Variants in ATP1A4 observed in about 807,000 individuals in gnomAD.
ATP1A4 encodes ATPase Na+/K+ transporting subunit alpha 4, also known as sodium/potassium-transporting ATPase subunit alpha-4.
Under a neutral mutation model 114.3 loss-of-function variants are expected in ATP1A4, and 90 were observed. The observed-to-expected ratio is 0.79, with a 90% CI of 0.66 to 0.94. The LOEUF (loss-of-function observed/expected upper bound fraction) is 0.94, where lower values mean the gene tolerates loss of function less well. Ranked by LOEUF, ATP1A4 falls within the 40% of genes least tolerant of loss-of-function variation. ATP1A4 has a pLI of 0.00. For synonymous variants in ATP1A4, 511 were observed against 494.1 expected, an observed-to-expected ratio of 1.03 and a Z score of -0.45; for missense variants, 1,222 against 1,313.6, an observed-to-expected ratio of 0.93 and a Z score of 1.08.
intron 4 of ATP1A4, among the ~76,000 whole-genome samples, chr1:160,158,761 G>A (rs1447347612): frequency 6.6e-6 from 1 of 152,152 alleles, no homozygotes; most frequent in Non-Finnish European, 1.5e-5. Flanking sequence ...CCAGGTTTAG[G>A]GGTAGAGAGA....
intron 20 of ATP1A4, 113 bp from the exon 21 acceptor site, chr1:160,186,163 A>G (rs941403254): frequency 4.1e-5 from 27 of 661,482 alleles, no homozygotes; most frequent in African/African-American, 1.1e-4. Context: ...GCACAGTCCC[A>G]CGCACACAGT....
chr1:160,171,948 A>G (rs908441324), intron 12 of ATP1A4, among the ~76,000 whole-genome samples, 191 bp downstream of exon 12: 7 of 152,184 alleles, frequency 4.6e-5, no homozygotes, highest in African/African-American at 7.2e-5. Context: ...GAACATTAGA[A>G]TCACCAGGGA....
chr1:160,155,158 C>T lies in ATP1A4; in HGVS notation c.321C>T (p.Gly107=), dbSNP rs998283373. Residue 107 remains glycine (G), a synonymous_variant, in exon 3 of 22, where the codon GGC becomes GGT. Transcript: ENST00000368081. The part of the protein sequence containing the change: ...WVKFCKQLFG[G]FSLLLWTGAI... Reference sequence around the variant, plus strand: ...AATTCTGTAAGCAACTGTTCGGAGGCTTCTCCCTCCTACTATGGACTGGGG... The same window carrying T: ...AATTCTGTAAGCAACTGTTCGGAGGTTTCTCCCTCCTACTATGGACTGGGG... 5.0e-6 allele frequency: 8 copies of T among 1,613,078 alleles called. No homozygotes were observed. The highest frequency in any genetic ancestry group is 1.3e-5 in the African/African-American group (1 of 74,616).
Position 160,164,357 on chromosome 1 carries a change from A to G in ATP1A4, c.980A>G (p.Glu327Gly). Residue 327 changes from glutamate (E) to glycine (G), a missense_variant, in exon 7 of 22, where the codon GAG (glutamate) becomes GGG (glycine). Glu to Gly is a moderately conservative substitution (Grantham distance 98). Transcript: ENST00000368081. ...LSLLLGYGWL[E>G]AIIFLIGIIV... The stretch of plus-strand genomic sequence containing the variant: ...CTTCTCTTGGGCTATGGTTGGCTGG[A>G]GGCTATCATTTTTCTCATTGGCATC... The G allele has an allele frequency of 6.2e-7, 1 of 1,614,044 alleles. No homozygotes were observed. The highest frequency in any genetic ancestry group is 1.1e-5 in the South Asian group (1 of 91,074).
chr1:160,158,299 A>G (rs548781916), intron 4 of ATP1A4, among the ~76,000 whole-genome samples: 36 of 152,268 alleles, frequency 2.4e-4, no homozygotes, highest in African/African-American at 7.2e-4. Flanking sequence ...CTCTTTTTAC[A>G]GAGAGGTTAG....
Position 160,164,143 on chromosome 1 carries a change from G to T in ATP1A4, c.779-13G>T, listed in dbSNP as rs1200917829. ...TCACAACATCACATTGCCCTCTCCT[G>T]CTTCATCCACAGGAACCGCCCGGGG... On this transcript the variant is annotated splice_polypyrimidine_tract_variant and intron_variant, in intron 6 of 21. Transcript: ENST00000368081. The T allele has an allele frequency of 1.2e-6, 2 of 1,612,832 alleles. No homozygotes were observed. Among genetic ancestry groups the T allele is most frequent in the South Asian group, 2.2e-5 (2 of 90,998 alleles).
rs752976072 is a variant in ATP1A4 at position 160,174,241 on chromosome 1, G to T, written c.2122G>T (p.Val708Phe). ...CTCCCCTCAGCAGAAGCTCATCATT[G>T]TCGAGGGATGTCAGAGGCTGGTAAG... is the stretch of plus-strand genomic sequence containing the variant. ...RTSPQQKLII[V>F]EGCQRLGAVV... is the part of the protein sequence containing the mutation. The change falls in exon 14 of 22, where the codon GTC becomes TTC. Residue 708 changes from valine (V) to phenylalanine (F), a missense_variant. Physicochemically the swap from Val to Phe is conservative, Grantham distance 50. Transcript: ENST00000368081. 6.2e-7 allele frequency: 1 copy of T among 1,614,114 alleles called. No homozygotes were observed. The highest frequency in any genetic ancestry group is 1.1e-5 in the South Asian group (1 of 91,070).
Position 160,174,189 on chromosome 1 carries a change from C to T in ATP1A4, c.2070C>T (p.Asn690=). ...AGCAGCTTGATCAGATCCTCCAGAACCACCCTGAGATCGTGTTTGCTCGGA... is the reference window on the plus strand; with the variant it reads ...AGCAGCTTGATCAGATCCTCCAGAATCACCCTGAGATCGTGTTTGCTCGGA... ...QSKQLDQILQ[N]HPEIVFARTS... is the part of the protein sequence containing the mutation. The change falls in exon 14 of 22, where the codon AAC becomes AAT. Residue 690 remains asparagine, a synonymous_variant. Coordinates refer to ENST00000368081, the MANE Select transcript of ATP1A4 (RefSeq NM_144699.4). 1 of 1,614,154 alleles carries T rather than the reference C, an allele frequency of 6.2e-7. No individual in the cohort carries two copies. Among genetic ancestry groups the T allele is most frequent in the Non-Finnish European group, 8.5e-7 (1 of 1,180,038 alleles).
At position 160,151,925 on chromosome 1, in the gene ATP1A4, C is replaced by T. The variant is rs757272308; in HGVS notation, c.-116C>T. 14 of 1,220,986 alleles carry T rather than the reference C, an allele frequency of 1.1e-5. No homozygotes were observed. The highest frequency in any genetic ancestry group is 1.6e-5 in the Non-Finnish European group (14 of 889,890). 75.6% of individuals were successfully genotyped at this position (1,220,986 alleles called of 1,614,324 possible). A position where few individuals can be genotyped will look rare whatever the true frequency, so the allele number is the denominator to read the frequency against. On this transcript the variant is annotated 5_prime_UTR_variant, in exon 1 of 22. Transcript: ENST00000368081. ...TTTCTTTCTGCTCCCTCATTCTCTC[C>T]CCACCACTCTCTTCTCGTGGCCCCC...
chr1:160,174,748 G>T lies in ATP1A4; in HGVS notation c.2311+1G>T, dbSNP rs185461260. The stretch of plus-strand genomic sequence containing the variant: ...TCCATCGTCACGGGGGTGGAGGAGG[G>T]TGAGGAGGCAGGGTGCCCATGGTGG... On this transcript the variant is annotated splice_donor_variant, in intron 15 of 21. Transcript: ENST00000368081. LOFTEE classifies it high-confidence loss of function. 215 of 1,613,990 alleles carry T rather than the reference G, an allele frequency of 1.3e-4. 1 individual carries two copies. The East Asian group carries it at 4.5e-3, about 34-fold the overall frequency.
intron 7 of ATP1A4, among the ~76,000 whole-genome samples, chr1:160,165,702 G>T (rs1653005658): frequency 6.6e-6 from 1 of 152,090 alleles, no homozygotes; most frequent in African/African-American, 2.4e-5. Context: ...CGTGGAGTTT[G>T]CAGTCAGCAG....
At position 160,159,052 on chromosome 1, in the gene ATP1A4, G is replaced by A. The variant is rs1197355287; in HGVS notation, c.576G>A (p.Glu192=). The A allele has an allele frequency of 6.2e-7, 1 of 1,613,992 alleles. No homozygotes were observed. The highest frequency in any genetic ancestry group is 1.3e-5 in the African/African-American group (1 of 74,908). ...GGEKMQINVQ[E]VVLGDLVEIK... is the part of the protein sequence containing the mutation. Reference sequence around the variant, plus strand: ...AGAAGATGCAAATTAATGTACAAGAGGTGGTGTTGGGAGACCTGGTGGAAA... The same window carrying A: ...AGAAGATGCAAATTAATGTACAAGAAGTGGTGTTGGGAGACCTGGTGGAAA... Residue 192 remains glutamate, a synonymous_variant, in exon 5 of 22, where the codon GAG becomes GAA. Transcript: ENST00000368081.
At chr1:160,160,607 C>A (rs1652835517) in intron 6 of ATP1A4, among the ~76,000 whole-genome samples, 1 of 152,072 alleles carries the variant, frequency 6.6e-6, no homozygotes, top group Non-Finnish European at 1.5e-5. Context: ...CAGATATTAT[C>A]CCTATTTTAC....
chr1:160,178,548 G>A (rs1462173677), intron 18 of ATP1A4, among the ~76,000 whole-genome samples: 1 of 151,996 alleles, frequency 6.6e-6, no homozygotes, highest in Non-Finnish European at 1.5e-5. Flanking sequence ...GGTCGTGGGT[G>A]CCTGTAATCC....
At chr1:160,152,278 A>C (rs1382477944) in intron 1 of ATP1A4, 91 bp downstream of exon 1, 1 of 1,397,324 alleles carries the variant, frequency 7.2e-7, no homozygotes, top group East Asian at 2.4e-5. Context: ...TGAAACACAC[A>C]GGCCAGAGCC....
intron 10 of ATP1A4, among the ~76,000 whole-genome samples, chr1:160,168,476 G>A (rs1653122601): frequency 6.9e-6 from 1 of 144,150 alleles, no homozygotes; most frequent in South Asian, 2.2e-4. Context: ...TCCACCTCCT[G>A]GGTTCAAGGG....
At chr1:160,177,753 G>C in intron 18 of ATP1A4, 89 bp downstream of exon 18, 2 of 1,475,252 alleles carry the variant, frequency 1.4e-6, no homozygotes, top group Non-Finnish European at 9.3e-7. Flanking sequence ...TAAGAGAGAA[G>C]AAGGGAAGCA....
intron 6 of ATP1A4, among the ~76,000 whole-genome samples, chr1:160,160,456 A>G (rs1226479506): frequency 6.6e-6 from 1 of 152,158 alleles, no homozygotes; most frequent in Non-Finnish European, 1.5e-5. Context: ...ACCTCAAGTG[A>G]TCTGCCCTCC....
intron 17 of ATP1A4, among the ~76,000 whole-genome samples, chr1:160,177,174 T>A (rs1213709367): frequency 6.6e-6 from 1 of 152,172 alleles, no homozygotes; most frequent in East Asian, 1.9e-4. Context: ...CAATGGTATT[T>A]CAGAAAATAG....
Sources: allele counts gnomAD v4.1 joint callset (sites outside exome capture counted in the v4.1 genomes callset), GRCh38; gene constraint gnomAD v4.1.1; transcripts MANE v1.5; gene names NCBI Gene and HGNC (gene_info 2026-07-23, HGNC 2026-07-21).